EXOC6B: variants seen among roughly 807,000 people sequenced by gnomAD.
EXOC6B encodes SEC15 homolog B.
In EXOC6B, 54 loss-of-function variants were observed where a neutral mutation model predicts 113.5. That is an observed-to-expected ratio of 0.48 (90% CI 0.38 to 0.60). The LOEUF (loss-of-function observed/expected upper bound fraction) is 0.60. Ranked by LOEUF, EXOC6B falls within the 20% of genes least tolerant of loss-of-function variation. The probability of loss-of-function intolerance (pLI) is 0.00; values close to 1 mark genes in which losing one functional copy is unlikely to be tolerated. For synonymous variants in EXOC6B, 357 were observed against 339.0 expected (o/e 1.05, Z -0.58); for missense variants, 797 against 977.5 (o/e 0.82, Z 2.46).
intron 1 of EXOC6B, among the ~76,000 whole-genome samples, chr2:72,753,218 T>C (rs1682174808): frequency 6.7e-6 from 1 of 148,844 alleles, no homozygotes; most frequent in African/African-American, 2.5e-5. Flanking sequence ...CCAGCCCAGA[T>C]AATATGGCAA....
At position 72,492,303 on chromosome 2, in the gene EXOC6B, T is replaced by C. The variant is rs780773110; in HGVS notation, c.1665+15A>G. 1 of 1,543,202 alleles carries C rather than the reference T, an allele frequency of 6.5e-7. No homozygotes were observed. Among genetic ancestry groups the C allele is most frequent in the South Asian group, 1.1e-5 (1 of 89,022 alleles). ...CACATACTGGCTCGGCTGCCTTCAT[T>C]AGGAGCAGGTTTACCTCAGTAAGCC... On this transcript the variant is annotated intron_variant, in intron 16 of 21. Transcript: ENST00000272427.
intron 1 of EXOC6B, among the ~76,000 whole-genome samples, chr2:72,811,266 G>A (rs757608394): frequency 2.0e-5 from 3 of 152,088 alleles, no homozygotes; most frequent in Non-Finnish European, 2.9e-5. Context: ...AGCTGAGATC[G>A]TGCCACTGCA....
At chr2:72,189,850 C>CCTTCTT (rs1215015261) in intron 20 of EXOC6B, among the ~76,000 whole-genome samples, 1 of 117,228 alleles carries the variant, frequency 8.5e-6, no homozygotes, top group Non-Finnish European at 1.7e-5. Flanking sequence ...CTCTCTTTCT[C>CCTTCTT]CTTCTTCTTC....
At chr2:72,648,483 A>G (rs958037843) in intron 6 of EXOC6B, among the ~76,000 whole-genome samples, 4 of 152,246 alleles carry the variant, frequency 2.6e-5, no homozygotes, top group African/African-American at 9.6e-5. Context: ...ATGTACACAT[A>G]TGTTTCTTGT....
intron 20 of EXOC6B, among the ~76,000 whole-genome samples, chr2:72,277,014 A>G (rs1488731510): frequency 1.3e-5 from 2 of 152,156 alleles, no homozygotes; most frequent in Non-Finnish European, 2.9e-5. Context: ...TTGGCAAACA[A>G]GTGAGTAGTA....
intron 19 of EXOC6B, among the ~76,000 whole-genome samples, chr2:72,366,304 C>A (rs1421240417): frequency 6.7e-6 from 1 of 148,934 alleles, no homozygotes; most frequent in Non-Finnish European, 1.5e-5. Flanking sequence ...CCTCAAATGA[C>A]AAATACATTG....
intron 19 of EXOC6B, among the ~76,000 whole-genome samples, chr2:72,352,357 T>G (rs756272560): frequency 2.0e-5 from 3 of 152,182 alleles, no homozygotes; most frequent in Non-Finnish European, 4.4e-5. Flanking sequence ...AAAAAGCCTA[T>G]ACATTGACTT....
intron 19 of EXOC6B, among the ~76,000 whole-genome samples, chr2:72,349,814 G>T (rs1410339774): frequency 1.3e-5 from 2 of 152,178 alleles, no homozygotes; most frequent in Non-Finnish European, 2.9e-5. Context: ...ATTGTGGGGA[G>T]CCTTAGTCTG....
rs377324770 is a variant in EXOC6B, at chr2:72,521,081, G to A, written c.916-5955C>T. ...TAGTAGTAAGAGATGCGGCCTTTAAGAGGTGATTAAGTGATGAGGGTAGGG... is the reference window on the plus strand; with the variant it reads ...TAGTAGTAAGAGATGCGGCCTTTAAAAGGTGATTAAGTGATGAGGGTAGGG... On this transcript the variant is annotated intron_variant, in intron 8 of 21. Coordinates refer to ENST00000272427, the MANE Select transcript of EXOC6B (RefSeq NM_015189.3). Among the ~76,000 whole-genome samples the A allele has an allele frequency of 2.6e-5, 4 of 152,252 alleles. No homozygotes were observed. In the East Asian group the frequency reaches 7.7e-4, roughly 29 times the overall value.
chr2:72,278,293 A>C (rs544143017), intron 20 of EXOC6B, among the ~76,000 whole-genome samples: 1 of 152,322 alleles, frequency 6.6e-6, no homozygotes, highest in African/African-American at 2.4e-5. Context: ...TTTGACCTTC[A>C]ACAAGGTGAC....
intron 6 of EXOC6B, among the ~76,000 whole-genome samples, chr2:72,683,995 A>C (rs1473862927): frequency 1.3e-5 from 2 of 152,104 alleles, no homozygotes; most frequent in Non-Finnish European, 2.9e-5. Context: ...GCAATGGCGC[A>C]ATCTTGGCTC....
intron 20 of EXOC6B, among the ~76,000 whole-genome samples, chr2:72,221,516 TCTG>T (rs1680864015): frequency 6.6e-6 from 1 of 152,186 alleles, no homozygotes; most frequent in African/African-American, 2.4e-5. Context: ...TTTCCCTTTT[TCTG>T]CTTTCTAATT....
intron 1 of EXOC6B, among the ~76,000 whole-genome samples, chr2:72,781,414 A>C (rs1684027567): frequency 6.6e-6 from 1 of 152,198 alleles, no homozygotes; most frequent in African/African-American, 2.4e-5. Context: ...TCTCCTCTAC[A>C]ATGTCCTTAC....
intron 6 of EXOC6B, among the ~76,000 whole-genome samples, chr2:72,614,063 T>C (rs924077170): frequency 2.0e-5 from 3 of 152,184 alleles, no homozygotes; most frequent in Non-Finnish European, 4.4e-5. Context: ...AGAGACTATA[T>C]GATCTGTAAA....
chr2:72,502,776 G>C (rs752045580), intron 11 of EXOC6B, among the ~76,000 whole-genome samples: 1 of 151,760 alleles, frequency 6.6e-6, no homozygotes, highest in Non-Finnish European at 1.5e-5. Flanking sequence ...TATTACTACA[G>C]TCCCTTCTTT....
intron 17 of EXOC6B, among the ~76,000 whole-genome samples, chr2:72,478,864 C>G (rs1185408894): frequency 6.6e-6 from 1 of 152,208 alleles, no homozygotes; most frequent in Non-Finnish European, 1.5e-5. Flanking sequence ...TAACACTGAA[C>G]TATTTCTTTT....
intron 20 of EXOC6B, among the ~76,000 whole-genome samples, chr2:72,229,603 GAC>G (rs1681477702): frequency 6.6e-6 from 1 of 152,156 alleles, no homozygotes; most frequent in Non-Finnish European, 1.5e-5. Context: ...TGAAGAGAGA[GAC>G]AATCCACAAA....
chr2:72,306,098 G>A (rs1336332967), intron 20 of EXOC6B, among the ~76,000 whole-genome samples: 1 of 152,036 alleles, frequency 6.6e-6, no homozygotes, highest in Admixed American at 6.5e-5. Context: ...ACCCGGACAG[G>A]CTGACACAGT....
intron 6 of EXOC6B, among the ~76,000 whole-genome samples, chr2:72,671,816 AAAG>A (rs1358773164): frequency 1.8e-4 from 26 of 147,054 alleles, no homozygotes; most frequent in African/African-American, 6.2e-4. Context: ...AGAAAGAAAG[AAAG>A]AAGAGAAAAG....
Sources: allele counts gnomAD v4.1 joint callset (sites outside exome capture counted in the v4.1 genomes callset), GRCh38; gene constraint gnomAD v4.1.1; transcripts MANE v1.5; gene names NCBI Gene and HGNC (gene_info 2026-07-23, HGNC 2026-07-21).